The following UTRN variants were observed in gnomAD, a reference collection of about 807,000 sequenced individuals.
The protein encoded by UTRN is dystrophin-related protein 1.
UTRN carries 283 observed loss-of-function variants against 463.9 expected under a neutral mutation model. The observed-to-expected ratio is 0.61, with a 90% CI of 0.55 to 0.67. The LOEUF is 0.67. UTRN is among the 30% of genes least tolerant of loss of function. The pLI, the probability that UTRN is intolerant of heterozygous loss-of-function variation, is 0.00. For missense variants in UTRN, 3,922 were observed against 4,084.3 expected (o/e 0.96, Z 1.08); for synonymous variants, 1,442 against 1,431.5 (o/e 1.01, Z -0.17).
At chr6:144,354,912 A>G (rs1316764065) in intron 2 of UTRN, among the ~76,000 whole-genome samples, 1 of 152,162 alleles carries the variant, frequency 6.6e-6, no homozygotes, top group Non-Finnish European at 1.5e-5. Flanking sequence ...ATCTTTTAAT[A>G]ATCTCTTCAG....
chr6:144,394,981 A>T (rs1782269849), intron 2 of UTRN, among the ~76,000 whole-genome samples: 1 of 151,776 alleles, frequency 6.6e-6, no homozygotes, highest in Non-Finnish European at 1.5e-5. Context: ...TGTTTTCCCC[A>T]TTTTTTTTCC....
intron 2 of UTRN, among the ~76,000 whole-genome samples, chr6:144,392,613 A>C (rs2114769603): frequency 6.6e-6 from 1 of 152,240 alleles, no homozygotes; most frequent in Non-Finnish European, 1.5e-5. Context: ...GTAGTGGTCC[A>C]CTCTGGAGTT....
intron 3 of UTRN, among the ~76,000 whole-genome samples, chr6:144,417,589 C>T (rs933245629): frequency 4.6e-5 from 7 of 152,012 alleles, no homozygotes; most frequent in East Asian, 1.9e-4. Flanking sequence ...TGCCTGTTTC[C>T]GTATGGCCTA....
intron 54 of UTRN, among the ~76,000 whole-genome samples, chr6:144,734,846 T>C (rs4896739): frequency 0.12 from 18,107 of 152,194 alleles, 1,693 homozygotes; most frequent in Admixed American, 0.32. Flanking sequence ...GTCAGATTCT[T>C]ATAATGGCTC....
At chr6:144,321,447 TA>T (rs1233322927) in intron 2 of UTRN, among the ~76,000 whole-genome samples, 2 of 149,102 alleles carry the variant, frequency 1.3e-5, no homozygotes, top group Non-Finnish European at 1.5e-5. Flanking sequence ...TAAACCCAAG[TA>T]GCTGTGCCAT....
chr6:144,727,366 C>T (rs1787981124), intron 53 of UTRN, among the ~76,000 whole-genome samples: 1 of 152,222 alleles, frequency 6.6e-6, no homozygotes, highest in African/African-American at 2.4e-5. Context: ...AGATCTTCAT[C>T]TTCTCTTCAG....
chr6:144,679,461 A>G (rs1040408045), intron 52 of UTRN, among the ~76,000 whole-genome samples: 10 of 152,200 alleles, frequency 6.6e-5, no homozygotes, highest in African/African-American at 2.4e-4. Flanking sequence ...CCAAGTGTAC[A>G]TCCTTTAAAC....
At chr6:144,528,980 A>C (rs1044014564) in intron 41 of UTRN, among the ~76,000 whole-genome samples, 5 of 152,124 alleles carry the variant, frequency 3.3e-5, no homozygotes, top group African/African-American at 1.2e-4. Context: ...TGTGGCTGCT[A>C]TGGGGGATGG....
Position 144,474,754 on chromosome 6 carries a change from A to G in UTRN, c.3331A>G (p.Lys1111Glu), listed in dbSNP as rs768779317. 3.1e-6 allele frequency: 5 copies of G among 1,612,064 alleles called. No individual in the cohort carries two copies. Among genetic ancestry groups the G allele is most frequent in the Non-Finnish European group, 4.2e-6 (5 of 1,179,484 alleles). Residue 1111 changes from lysine (K) to glutamate (E), a missense_variant, in exon 25 of 75, where the codon AAG (lysine) becomes GAG (glutamate). Lys to Glu is a moderately conservative substitution (Grantham distance 56). Transcript: ENST00000367545. Reference sequence around the variant, plus strand: ...CCAAACTCAACTGGAGAAACTTAGCAAGGAGGTGAGTTTTTCAACTTTACT... The same window carrying G: ...CCAAACTCAACTGGAGAAACTTAGCGAGGAGGTGAGTTTTTCAACTTTACT... ...DYQTQLEKLS[K>E]EIATQKSRLS...
chr6:144,807,748 T>C (rs1384287955), intron 65 of UTRN, among the ~76,000 whole-genome samples: 1 of 152,160 alleles, frequency 6.6e-6, no homozygotes, highest in Non-Finnish European at 1.5e-5. Flanking sequence ...GATTTGATTC[T>C]ATGTTCCCTT....
At chr6:144,617,837 G>GCATA (rs1806302522) in intron 51 of UTRN, among the ~76,000 whole-genome samples, 1 of 152,120 alleles carries the variant, frequency 6.6e-6, no homozygotes, top group South Asian at 2.1e-4. Context: ...TTGCAGGGGA[G>GCATA]CATAATCTCA....
At chr6:144,412,964 C>T (rs886884141) in intron 3 of UTRN, among the ~76,000 whole-genome samples, 11 of 152,140 alleles carry the variant, frequency 7.2e-5, no homozygotes, top group African/African-American at 2.7e-4. Flanking sequence ...AATCTGTTAT[C>T]TTCCAACTGT....
In UTRN at chr6:144,286,835, T is replaced by G. The variant is rs117887265; in HGVS notation, c.-93+1014T>G. Among the ~76,000 whole-genome samples the G allele has an allele frequency of 4.1e-3, 625 of 151,780 alleles. 40 individuals are homozygous for G. The East Asian group carries it at 0.11, about 27-fold the overall frequency. On this transcript the variant is annotated intron_variant, in intron 1 of 74. Coordinates refer to ENST00000367545, the MANE Select transcript of UTRN (RefSeq NM_007124.3). The surrounding 1 kb of genome is among the most constrained non-coding windows in gnomAD (Gnocchi z 4.4). Reference sequence around the variant, plus strand: ...GGAACTGCAGAGCTCGGGTTCTAACTCCACGGCCCCGCTCTCTGAGGTGTT... The same window carrying G: ...GGAACTGCAGAGCTCGGGTTCTAACGCCACGGCCCCGCTCTCTGAGGTGTT...
intron 58 of UTRN, among the ~76,000 whole-genome samples, chr6:144,761,125 T>G (rs1184060863): frequency 6.6e-6 from 1 of 152,184 alleles, no homozygotes; most frequent in Non-Finnish European, 1.5e-5. Context: ...CCCCTCTATT[T>G]GTTGATATCT....
At position 144,482,297 on chromosome 6, in the gene UTRN, G is replaced by C; in HGVS notation, c.3596G>C (p.Gly1199Ala). ...IKLLAAKVPS[G>A]GQELTSELNV... ...TTATTAGCTGCCAAGGTGCCCTCTG[G>C]TGGCCAGGAGTTGACGTCTGAGCTG... Residue 1199 changes from glycine (G) to alanine (A), a missense_variant, in exon 27 of 75, where the codon GGT becomes GCT. Gly to Ala is a moderately conservative substitution (Grantham distance 60). Around this residue, in one of 3 missense-constraint regions of UTRN, gnomAD observed 2,349 missense variants for 2,303.8 expected, o/e 1.02. Coordinates refer to ENST00000367545, the MANE Select transcript of UTRN (RefSeq NM_007124.3). 1.2e-6 allele frequency: 2 copies of C among 1,609,590 alleles called. No homozygotes were observed. Among genetic ancestry groups the C allele is most frequent in the Non-Finnish European group, 1.7e-6 (2 of 1,178,924 alleles).
intron 2 of UTRN, among the ~76,000 whole-genome samples, chr6:144,331,407 G>T (rs1345841026): frequency 6.6e-6 from 1 of 152,082 alleles, no homozygotes; most frequent in African/African-American, 2.4e-5. Context: ...CGCTATGAAA[G>T]TTATTCCATC....
At position 144,684,822 on chromosome 6, in the gene UTRN, T is replaced by C. The variant is rs377222145; in HGVS notation, c.7652+6244T>C. ...CTGTCTATCTACTGTTATTTAACTT[T>C]ACAGTTTTATCCAGTTCATTTTTAT... On this transcript the variant is annotated intron_variant, in intron 52 of 74. Coordinates refer to ENST00000367545, the MANE Select transcript of UTRN (RefSeq NM_007124.3). Among the ~76,000 whole-genome samples the C allele has an allele frequency of 3.3e-5, 5 of 152,336 alleles. No homozygotes were observed. In the East Asian group the frequency reaches 5.8e-4, roughly 18 times the overall value.
At position 144,748,281 on chromosome 6, in the gene UTRN, A is replaced by C; in HGVS notation, c.7975A>C (p.Lys2659Gln). ...TPEERAQKIA[K>Q]AMRKQSSEVK... ...TGAGGAGAGAGCCCAAAAGATTGCC[A>C]AAGCCATGCGCAAACAGTCTTCTGA... Residue 2659 changes from lysine (K) to glutamine (Q), a missense_variant, in exon 55 of 75, where the codon AAA (lysine) becomes CAA (glutamine). This residue lies in a region of UTRN where 1,309 missense variants were observed against 1,452.6 expected (regional missense o/e 0.90). Coordinates refer to ENST00000367545, the MANE Select transcript of UTRN (RefSeq NM_007124.3). 1 of 1,612,752 alleles carries C rather than the reference A, an allele frequency of 6.2e-7. No homozygotes were observed. The highest frequency in any genetic ancestry group is 2.2e-5 in the East Asian group (1 of 44,786).
rs1792910909 is a variant in UTRN at position 144,490,106 on chromosome 6, C to T, written c.4170C>T (p.Thr1390=). The T allele has an allele frequency of 1.2e-6, 2 of 1,613,558 alleles. No homozygotes were observed. The highest frequency in any genetic ancestry group is 1.7e-6 in the Non-Finnish European group (2 of 1,179,792). ...CAGAGATCTCAGCCCATGAGCTAAC[C>T]CTAGAGGAGTTGAGAAGAAATATGC... ...IQAEISAHEL[T]LEELRRNMRS... Residue 1390 remains threonine (T), a synonymous_variant, in exon 31 of 75, where the codon ACC becomes ACT. Coordinates refer to ENST00000367545, the MANE Select transcript of UTRN (RefSeq NM_007124.3).
Sources: allele counts gnomAD v4.1 joint callset (sites outside exome capture counted in the v4.1 genomes callset), GRCh38; gene constraint gnomAD v4.1.1; regional missense constraint gnomAD v4.1.1; non-coding constraint Gnocchi (gnomAD v3.1); transcripts MANE v1.5; gene names NCBI Gene and HGNC (gene_info 2026-07-23, HGNC 2026-07-21).